The following RGL1 variants were observed in gnomAD, a reference collection of about 807,000 sequenced individuals.
RGL1 encodes ral guanine nucleotide dissociation stimulator like 1, also known as ral guanine nucleotide dissociation stimulator-like 1.
RGL1 carries 24 observed loss-of-function variants against 95.2 expected under a neutral mutation model. That is an observed-to-expected ratio of 0.25 (90% confidence interval 0.18 to 0.35). RGL1 has a LOEUF of 0.35. RGL1 is among the 10% of genes least tolerant of loss of function. The probability of loss-of-function intolerance (pLI) is 1.00; values close to 1 mark genes in which losing one functional copy is unlikely to be tolerated. For synonymous variants in RGL1, 329 were observed against 344.9 expected (o/e 0.95, Z 0.51); for missense variants, 715 against 936.3 (o/e 0.76, Z 3.08).
At chr1:183,669,184 CA>C in intron 1 of RGL1, among the ~76,000 whole-genome samples, 1 of 152,022 alleles carries the variant, frequency 6.6e-6, no homozygotes, top group Non-Finnish European at 1.5e-5. Context: ...CCTCGTGATC[CA>C]CCTGCCTTGG....
intron 2 of RGL1, among the ~76,000 whole-genome samples, chr1:183,786,230 C>T (rs1660172753): frequency 6.6e-6 from 1 of 152,102 alleles, no homozygotes; most frequent in Admixed American, 6.6e-5. Context: ...AGCAAGATCC[C>T]ATCTCTAAAA....
In RGL1 at chr1:183,806,421, A is replaced by T; in HGVS notation, c.74A>T (p.Tyr25Phe). The part of the protein sequence containing the change: ...WGEEVEEGAV[Y>F]HVTLKRVQIQ... ...GAAGAGGTAGAGGAAGGAGCTGTTT[A>T]CCATGTCACCCTCAAAAGAGTCCAG... Residue 25 changes from tyrosine to phenylalanine, a missense_variant, in exon 2 of 18, where the codon TAC (tyrosine) becomes TTC (phenylalanine). Coordinates refer to ENST00000360851, the MANE Select transcript of RGL1 (RefSeq NM_001297671.3). The T allele has an allele frequency of 1.2e-6, 2 of 1,614,110 alleles. No homozygotes were observed. Among genetic ancestry groups the T allele is most frequent in the Non-Finnish European group, 1.7e-6 (2 of 1,180,010 alleles).
intron 1 of RGL1, among the ~76,000 whole-genome samples, chr1:183,675,955 C>T (rs1342475584): frequency 1.3e-5 from 2 of 151,948 alleles, no homozygotes; most frequent in Non-Finnish European, 2.9e-5. Context: ...AGACCAGCCT[C>T]GGCAACGTAA....
chr1:183,893,433 T>G (rs1303972208), intron 9 of RGL1, among the ~76,000 whole-genome samples: 1 of 152,198 alleles, frequency 6.6e-6, no homozygotes, highest in East Asian at 1.9e-4. Flanking sequence ...TTTTTGTATT[T>G]GGTGAGCTAT....
intron 1 of RGL1, among the ~76,000 whole-genome samples, chr1:183,660,491 G>T (rs12049488): frequency 0.057 from 8,511 of 148,688 alleles, 435 homozygotes; most frequent in African/African-American, 0.14. Flanking sequence ...AGGGATCAAT[G>T]CAACAAGAAG....
intron 1 of RGL1, among the ~76,000 whole-genome samples, chr1:183,729,597 C>T (rs557214090): frequency 1.3e-5 from 2 of 152,208 alleles, no homozygotes; most frequent in Admixed American, 1.3e-4. Flanking sequence ...ATAGATTTAC[C>T]ATAAGATTCA....
At chr1:183,762,230 G>A (rs894038124) in intron 2 of RGL1, among the ~76,000 whole-genome samples, 4 of 152,226 alleles carry the variant, frequency 2.6e-5, no homozygotes, top group African/African-American at 7.2e-5. Context: ...CTTTTGACAT[G>A]CCTTCCTCAC....
At chr1:183,677,155 A>G (rs1364260354) in intron 1 of RGL1, among the ~76,000 whole-genome samples, 4 of 151,474 alleles carry the variant, frequency 2.6e-5, no homozygotes, top group African/African-American at 9.7e-5. Context: ...AAAGGCTCCA[A>G]CAGAACCTCA....
chr1:183,649,425 C>T (rs1179446270), intron 1 of RGL1, among the ~76,000 whole-genome samples: 1 of 152,168 alleles, frequency 6.6e-6, no homozygotes, highest in Admixed American at 6.5e-5. Context: ...ATGTATTGTG[C>T]AGAACTATTC....
At chr1:183,912,346 G>GT in intron 15 of RGL1, 78 bp downstream of exon 15, 2 of 1,170,878 alleles carry the variant, frequency 1.7e-6, no homozygotes, top group East Asian at 5.0e-5. Context: ...AGGAATGTCT[G>GT]TTTTTAAGTG....
At chr1:183,915,079 C>T (rs1202583879) in intron 15 of RGL1, among the ~76,000 whole-genome samples, 2 of 152,170 alleles carry the variant, frequency 1.3e-5, no homozygotes, top group Non-Finnish European at 2.9e-5. Context: ...AGAATTGTCA[C>T]ATCAGCTGGC....
intron 1 of RGL1, among the ~76,000 whole-genome samples, chr1:183,710,900 A>C (rs968449375): frequency 6.6e-6 from 1 of 152,104 alleles, no homozygotes; most frequent in Admixed American, 6.5e-5. Context: ...AAGGGCAAAA[A>C]TCCCTTGCTT....
chr1:183,832,236 G>T (rs1345734050), intron 2 of RGL1, among the ~76,000 whole-genome samples: 1 of 152,158 alleles, frequency 6.6e-6, no homozygotes, highest in Non-Finnish European at 1.5e-5. Flanking sequence ...TTGGATTTTG[G>T]GGGGATGAGG....
chr1:183,896,175 G>A lies in RGL1; in HGVS notation c.1141-1633G>A, dbSNP rs1013812214. Among the ~76,000 whole-genome samples, 5 of 152,130 alleles carry A rather than the reference G, an allele frequency of 3.3e-5. No individual in the cohort carries two copies. The East Asian group carries it at 5.8e-4, about 18-fold the overall frequency. Reference sequence around the variant, plus strand: ...CTCTAAGCAAATTCTCAAGAATTTCGGAGGACTCACAACTATCTAGCACAG... The same window carrying A: ...CTCTAAGCAAATTCTCAAGAATTTCAGAGGACTCACAACTATCTAGCACAG... On this transcript the variant is annotated intron_variant, in intron 9 of 17. Coordinates refer to ENST00000360851, the MANE Select transcript of RGL1 (RefSeq NM_001297671.3).
intron 1 of RGL1, among the ~76,000 whole-genome samples, chr1:183,701,933 T>G (rs1654620775): frequency 6.6e-6 from 1 of 152,052 alleles, no homozygotes. Flanking sequence ...CAAGACTCCA[T>G]CTCGAAAAAA....
chr1:183,743,397 A>G (rs1451085288), intron 2 of RGL1, among the ~76,000 whole-genome samples: 1 of 151,442 alleles, frequency 6.6e-6, no homozygotes, highest in Non-Finnish European at 1.5e-5. Context: ...ATAGAAACGT[A>G]ATAGGGAAAA....
intron 2 of RGL1, among the ~76,000 whole-genome samples, chr1:183,766,968 C>A (rs1291910860): frequency 1.3e-5 from 2 of 151,986 alleles, no homozygotes; most frequent in Admixed American, 1.3e-4. Context: ...GTAATCCTAG[C>A]ACTTTGGAAA....
chr1:183,822,107 G>T (rs1378389536), intron 2 of RGL1, among the ~76,000 whole-genome samples: 3 of 151,962 alleles, frequency 2.0e-5, no homozygotes, highest in African/African-American at 7.3e-5. Flanking sequence ...GGGAGAAAAG[G>T]CTCCAAAAAT....
At chr1:183,884,012 C>A in intron 6 of RGL1, 102 bp downstream of exon 6, 1 of 1,244,384 alleles carries the variant, frequency 8.0e-7, no homozygotes, top group Non-Finnish European at 1.1e-6. Flanking sequence ...GATTTTAAGT[C>A]TTCTTGAATC....
Sources: allele counts gnomAD v4.1 joint callset (sites outside exome capture counted in the v4.1 genomes callset), GRCh38; gene constraint gnomAD v4.1.1; transcripts MANE v1.5; gene names NCBI Gene and HGNC (gene_info 2026-07-23, HGNC 2026-07-21).